Variants in CTNND2 observed in about 807,000 individuals in gnomAD.
CTNND2 encodes catenin delta-2.
CTNND2 carries 22 observed loss-of-function variants against 144.4 expected under a neutral mutation model. The ratio of observed to expected loss-of-function variants is 0.15; its 90% CI spans 0.11 to 0.22. CTNND2 has a LOEUF of 0.22. Among genes scored for constraint, CTNND2 ranks in the 10% least tolerant of loss-of-function variants. The pLI, the probability that CTNND2 is intolerant of heterozygous loss-of-function variation, is 1.00. For synonymous variants in CTNND2, 751 were observed against 695.6 expected, an observed-to-expected ratio of 1.08 and a Z score of -1.25; for missense variants, 1,353 against 1,618.8, an observed-to-expected ratio of 0.84 and a Z score of 2.82.
At chr5:11,382,186 A>G (rs1758555823) in intron 7 of CTNND2, among the ~76,000 whole-genome samples, 1 of 152,192 alleles carries the variant, frequency 6.6e-6, no homozygotes, top group Admixed American at 6.5e-5. Context: ...CTGGCCATCT[A>G]TCATAAGTAT....
At chr5:11,302,940 C>T (rs1749767512) in intron 9 of CTNND2, among the ~76,000 whole-genome samples, 1 of 152,272 alleles carries the variant, frequency 6.6e-6, no homozygotes, top group East Asian at 1.9e-4. Context: ...TTGCCTACTG[C>T]CCCAGAGTTA....
intron 2 of CTNND2, among the ~76,000 whole-genome samples, chr5:11,594,143 T>C (rs1368607033): frequency 6.6e-6 from 1 of 152,212 alleles, no homozygotes; most frequent in Non-Finnish European, 1.5e-5. Flanking sequence ...AACTGAACAC[T>C]ACAGAAATGC....
intron 9 of CTNND2, among the ~76,000 whole-genome samples, chr5:11,295,871 A>G (rs1197171778): frequency 2.0e-5 from 3 of 151,522 alleles, no homozygotes; most frequent in Non-Finnish European, 4.4e-5. Context: ...ACCTAAAGCC[A>G]TAAAAACCCT....
intron 2 of CTNND2, among the ~76,000 whole-genome samples, chr5:11,686,835 T>C (rs1784676159): frequency 6.7e-6 from 1 of 148,350 alleles, no homozygotes; most frequent in Non-Finnish European, 1.5e-5. Context: ...ATGTATCTAA[T>C]ATACTATATT....
intron 18 of CTNND2, among the ~76,000 whole-genome samples, chr5:11,000,045 G>A (rs1055616465): frequency 1.3e-5 from 2 of 152,138 alleles, no homozygotes; most frequent in African/African-American, 4.8e-5. Context: ...TATGGATTTC[G>A]ACGGCCCTGA....
chr5:11,738,776 C>T (rs2126758748), intron 1 of CTNND2, among the ~76,000 whole-genome samples: 1 of 152,258 alleles, frequency 6.6e-6, no homozygotes, highest in South Asian at 2.1e-4. Flanking sequence ...GTGGTCCCCT[C>T]CTCTCCAATT....
chr5:11,531,493 G>A (rs1773740611), intron 3 of CTNND2, among the ~76,000 whole-genome samples: 1 of 152,110 alleles, frequency 6.6e-6, no homozygotes, highest in Non-Finnish European at 1.5e-5. Context: ...GTGCATGGTG[G>A]CAGGCACCTG....
At chr5:11,047,105 C>A (rs1745339994) in intron 16 of CTNND2, among the ~76,000 whole-genome samples, 1 of 152,198 alleles carries the variant, frequency 6.6e-6, no homozygotes, top group South Asian at 2.1e-4. Flanking sequence ...AGTTTCATGA[C>A]CGTGAGTGCC....
chr5:11,096,462 G>A (rs1176064745), intron 15 of CTNND2, among the ~76,000 whole-genome samples: 2 of 152,110 alleles, frequency 1.3e-5, no homozygotes, highest in African/African-American at 4.8e-5. Context: ...ATGGTTTCCA[G>A]CTCCATCCAT....
chr5:11,703,548 G>T (rs1785551390), intron 2 of CTNND2, among the ~76,000 whole-genome samples: 1 of 152,194 alleles, frequency 6.6e-6, no homozygotes, highest in Non-Finnish European at 1.5e-5. Context: ...AGTATAATAT[G>T]CAAAAGATCT....
At chr5:11,522,083 C>A (rs1010556454) in intron 3 of CTNND2, among the ~76,000 whole-genome samples, 2 of 152,202 alleles carry the variant, frequency 1.3e-5, no homozygotes, top group Non-Finnish European at 1.5e-5. Flanking sequence ...GCTATTAATT[C>A]TGTGGACACA....
At chr5:11,499,269 G>A (rs563909912) in intron 3 of CTNND2, among the ~76,000 whole-genome samples, 37 of 152,184 alleles carry the variant, frequency 2.4e-4, no homozygotes, top group African/African-American at 7.2e-4. Flanking sequence ...ACCAGTTCAC[G>A]ATCCTCTGAA....
chr5:11,879,988 G>C (rs1381431670), intron 1 of CTNND2, among the ~76,000 whole-genome samples: 1 of 152,122 alleles, frequency 6.6e-6, no homozygotes, highest in Non-Finnish European at 1.5e-5. Context: ...TGCTGAGATG[G>C]AGGATCCACT....
At chr5:11,512,907 T>C (rs1206100599) in intron 3 of CTNND2, among the ~76,000 whole-genome samples, 2 of 152,208 alleles carry the variant, frequency 1.3e-5, no homozygotes, top group Non-Finnish European at 2.9e-5. Flanking sequence ...CACTCAAGTA[T>C]ACATGTTCAA....
intron 10 of CTNND2, among the ~76,000 whole-genome samples, chr5:11,221,619 C>T (rs915529951): frequency 6.6e-5 from 10 of 152,228 alleles, no homozygotes; most frequent in African/African-American, 2.2e-4. Context: ...ATGGACATCA[C>T]ATGATACGAA....
chr5:11,426,872 T>G (rs1762827458), intron 3 of CTNND2, among the ~76,000 whole-genome samples: 1 of 152,194 alleles, frequency 6.6e-6, no homozygotes, highest in Non-Finnish European at 1.5e-5. Flanking sequence ...TCCATTTGCT[T>G]TAATTCATTT....
chr5:11,346,734 G>A, intron 8 of CTNND2, 107 bp from the exon 9 acceptor site: 5 of 1,043,258 alleles, frequency 4.8e-6, no homozygotes, highest in Non-Finnish European at 6.4e-6. Context: ...AAAAAATAGG[G>A]GGTTCAAAAG....
In CTNND2 at chr5:11,835,620, T is replaced by A. The variant is rs552262211; in HGVS notation, c.37+68197A>T. Among the ~76,000 whole-genome samples the A allele has an allele frequency of 3.9e-5, 6 of 152,342 alleles. 1 individual carries two copies. The highest frequency in any genetic ancestry group is 1.4e-4 in the African/African-American group (6 of 41,590). On this transcript the variant is annotated intron_variant, in intron 1 of 21. Coordinates refer to ENST00000304623, the MANE Select transcript of CTNND2 (RefSeq NM_001332.4). ...TATACAATTGTACATAGTATTCCCT[T>A]ACTATCGTTTTAATAGCTGCTTAGT...
chr5:11,760,505 G>A (rs1360842176), intron 1 of CTNND2, among the ~76,000 whole-genome samples: 1 of 152,150 alleles, frequency 6.6e-6, no homozygotes, highest in Non-Finnish European at 1.5e-5. Context: ...AATACTTGTT[G>A]AAATTCCTTT....
Sources: allele counts gnomAD v4.1 joint callset (sites outside exome capture counted in the v4.1 genomes callset), GRCh38; gene constraint gnomAD v4.1.1; transcripts MANE v1.5; gene names NCBI Gene and HGNC (gene_info 2026-07-23, HGNC 2026-07-21).